Variants in NFAM1 observed in about 807,000 individuals in gnomAD.
NFAM1 encodes the protein NFAT activation molecule 1.
Under a neutral mutation model 29.0 loss-of-function variants are expected in NFAM1, and 17 were observed. That is an observed-to-expected ratio of 0.59 (90% confidence interval 0.40 to 0.88). NFAM1 has a LOEUF of 0.88. Among genes scored for constraint, NFAM1 ranks in the 40% least tolerant of loss-of-function variants. NFAM1 has a pLI of 0.00. For synonymous variants in NFAM1, 175 were observed against 147.2 expected (o/e 1.19, Z -1.36); for missense variants, 324 against 344.6 (o/e 0.94, Z 0.47).
chr22:42,415,980 G>A (rs1157615816), intron 1 of NFAM1, among the ~76,000 whole-genome samples: 1 of 152,202 alleles, frequency 6.6e-6, no homozygotes, highest in African/African-American at 2.4e-5. Flanking sequence ...GGGGAGCATT[G>A]AGTTTGCCTG....
chr22:42,409,378 G>A lies in NFAM1; in HGVS notation c.564+57C>T. 3.1e-6 allele frequency: 3 copies of A among 963,012 alleles called. No homozygotes were observed. In the South Asian group the frequency reaches 6.1e-5, roughly 20 times the overall value. 59.7% of individuals were successfully genotyped at this position (963,012 alleles called of 1,614,324 possible). On this transcript the variant is annotated intron_variant, in intron 3 of 5. Transcript: ENST00000329021. This position sits in a 1 kb window ranked among gnomAD's most constrained non-coding sequence, Gnocchi z 4.9. ...CAAACGCCCTGCAGAGGGCAGGCGGGCAGCCGGTGGCGTGTCGGGTGGAGG... is the reference window on the plus strand; with the variant it reads ...CAAACGCCCTGCAGAGGGCAGGCGGACAGCCGGTGGCGTGTCGGGTGGAGG...
At chr22:42,435,815 C>CTTTTTTTTTTTT (rs890914167), upstream of NFAM1, among the ~76,000 whole-genome samples, 8 of 94,232 alleles carry the variant, frequency 8.5e-5, no homozygotes, top group East Asian at 2.4e-4. Context: ...TTTTCTTCTT[C>CTTTTTTTTTTTT]TTTTTTTTTT....
chr22:42,406,564 A>T (rs1929905565), intron 3 of NFAM1, among the ~76,000 whole-genome samples: 1 of 151,996 alleles, frequency 6.6e-6, no homozygotes, highest in African/African-American at 2.4e-5. Flanking sequence ...ACCTGCATCC[A>T]CTATTCTCCC....
chr22:42,414,245 C>A lies in NFAM1; in HGVS notation c.122-2509G>T, dbSNP rs117072090. ...TGGCACCCGGGCCCCCTCCAGGGCT[C>A]CCCTCTGGTGGACGGAGCAGGGGGG... On this transcript the variant is annotated intron_variant, in intron 1 of 5. Transcript: ENST00000329021. Among the ~76,000 whole-genome samples the A allele has an allele frequency of 2.9e-4, 44 of 152,274 alleles. No homozygotes were observed. In the East Asian group the frequency reaches 5.0e-3, roughly 17 times the overall value.
chr22:42,421,856 C>T (rs1403593603), intron 1 of NFAM1, among the ~76,000 whole-genome samples: 2 of 152,214 alleles, frequency 1.3e-5, no homozygotes, highest in East Asian at 1.9e-4. Flanking sequence ...TTTAAAGGCC[C>T]ATCTGAAAGG....
chr22:42,386,939 A>G, intron 5 of NFAM1, 50 bp downstream of exon 5: 1 of 983,472 alleles, frequency 1.0e-6, no homozygotes, highest in Non-Finnish European at 1.5e-6. Context: ...CAGTGATGGG[A>G]GGGTCAGATG....
upstream of NFAM1, chr22:42,432,540 G>A: frequency 2.7e-6 from 2 of 747,688 alleles, no homozygotes; most frequent in East Asian, 2.9e-5. Flanking sequence ...ACTGAGACTG[G>A]TCCAGGCCAC....
intron 3 of NFAM1, among the ~76,000 whole-genome samples, chr22:42,404,351 G>A (rs2147102592): frequency 6.6e-6 from 1 of 152,180 alleles, no homozygotes; most frequent in East Asian, 1.9e-4. Context: ...CACTGCAGGT[G>A]CTCCCGGGTC....
intron 1 of NFAM1, among the ~76,000 whole-genome samples, chr22:42,424,911 G>GTATTTATTTATTTATT (rs67558344): frequency 0.015 from 2,292 of 147,898 alleles, 60 homozygotes; most frequent in African/African-American, 0.055. Flanking sequence ...CTTTCTTTTC[G>GTATTTATTTATTTATT]TATTTATTTA....
At chr22:42,414,242 G>A (rs12484975) in intron 1 of NFAM1, among the ~76,000 whole-genome samples, 33,680 of 151,998 alleles carry the variant, frequency 0.22, 3,969 homozygotes, top group Admixed American at 0.33. Flanking sequence ...CCCCTCCAGG[G>A]CTCCCCTCTG....
chr22:42,402,831 C>CTTTTTT (rs35045065), intron 3 of NFAM1, among the ~76,000 whole-genome samples: 50 of 97,098 alleles, frequency 5.1e-4, no homozygotes, highest in African/African-American at 1.8e-3. Context: ...TCTGTGCCTT[C>CTTTTTT]TTTTTTTTTT....
Position 42,414,417 on chromosome 22 carries a change from T to C in NFAM1, c.122-2681A>G, listed in dbSNP as rs368599339. 6.1e-4 allele frequency among the ~76,000 whole-genome samples: 93 copies of C among 151,772 alleles called. 2 individuals carry two copies. Among genetic ancestry groups the C allele is most frequent in the African/African-American group, 2.2e-3 (92 of 41,376 alleles). On this transcript the variant is annotated intron_variant, in intron 1 of 5. Coordinates refer to ENST00000329021, the MANE Select transcript of NFAM1 (RefSeq NM_145912.8). ...ATGGGACAGGGGCAGGGTAGGCATA[T>C]AGAGATGGGGGCTGTTATATTGTCC...
chr22:42,425,556 TTCCC>T (rs1274980698), intron 1 of NFAM1, among the ~76,000 whole-genome samples: 1 of 152,094 alleles, frequency 6.6e-6, no homozygotes, highest in Non-Finnish European at 1.5e-5. Flanking sequence ...AGCTCCCTCC[TTCCC>T]TCCCTGTCTG....
At chr22:42,436,690 C>T (rs913827774), upstream of NFAM1, among the ~76,000 whole-genome samples, 2 of 152,230 alleles carry the variant, frequency 1.3e-5, no homozygotes, top group African/African-American at 2.4e-5. Context: ...GTTCTAAAGG[C>T]TTTTCTTGTA....
intron 3 of NFAM1, among the ~76,000 whole-genome samples, chr22:42,406,743 G>T (rs1929911639): frequency 6.6e-6 from 1 of 152,142 alleles, no homozygotes; most frequent in Admixed American, 6.6e-5. Context: ...CAACAGGAAT[G>T]CCAATTTAAT....
chr22:42,407,310 GGC>G (rs2147105085), intron 3 of NFAM1, among the ~76,000 whole-genome samples: 1 of 148,458 alleles, frequency 6.7e-6, no homozygotes, highest in Admixed American at 6.7e-5. Flanking sequence ...TTGAACTCCT[GGC>G]CTCAAGTGAT....
At position 42,381,368 on chromosome 22, in the gene NFAM1, A is replaced by T. The variant is rs751134906; in HGVS notation, c.*3793T>A. 6.5e-6 allele frequency: 1 copy of T among 153,054 alleles called. No homozygotes were observed. Among genetic ancestry groups the T allele is most frequent in the African/African-American group, 2.4e-5 (1 of 41,570 alleles). The allele number at this position is 153,054 out of a possible 1,614,324, so 9.5% of individuals were successfully genotyped here. A position where few individuals can be genotyped will look rare whatever the true frequency, so the allele number is the denominator to read the frequency against. The stretch of plus-strand genomic sequence containing the variant: ...AGGCTGAAACCCATTGAAGGGGTCA[A>T]CTTCCTAGAGGCAGGCAGGGATGCC... On this transcript the variant is annotated 3_prime_UTR_variant, in exon 6 of 6. Coordinates refer to ENST00000329021, the MANE Select transcript of NFAM1 (RefSeq NM_145912.8).
rs185897096 is a variant in NFAM1 at position 42,415,567 on chromosome 22, G to T, written c.122-3831C>A. Among the ~76,000 whole-genome samples, 65 of 152,144 alleles carry T rather than the reference G, an allele frequency of 4.3e-4. No individual in the cohort carries two copies. The East Asian group carries it at 0.012, about 28-fold the overall frequency. ...GCCCACCTCGGCCTCCCAAAGTGCT[G>T]GGATTACAGGCGTGAGCCACCGCGC... On this transcript the variant is annotated intron_variant, in intron 1 of 5. Coordinates refer to ENST00000329021, the MANE Select transcript of NFAM1 (RefSeq NM_145912.8).
chr22:42,428,490 G>A (rs1930696098), intron 1 of NFAM1, among the ~76,000 whole-genome samples: 1 of 152,088 alleles, frequency 6.6e-6, no homozygotes. Context: ...CACCCAGGCT[G>A]GAGTTCAGTG....
Sources: gnomAD v4.1 joint callset for allele counts (sites outside exome capture counted in the v4.1 genomes callset) on GRCh38, gnomAD v4.1.1 for gene constraint, Gnocchi (gnomAD v3.1) non-coding constraint, MANE v1.5 for transcripts, NCBI Gene and HGNC (gene_info 2026-07-23, HGNC 2026-07-21) for gene names.